METRNL: variants seen among roughly 807,000 people sequenced by gnomAD.
METRNL encodes meteorin-like protein.
METRNL carries 9 observed loss-of-function variants against 17.4 expected under a neutral mutation model. The ratio of observed to expected loss-of-function variants is 0.52; its 90% CI spans 0.31 to 0.90. The LOEUF (loss-of-function observed/expected upper bound fraction) is 0.90. Among genes scored for constraint, METRNL ranks in the 40% least tolerant of loss-of-function variants. The pLI, the probability that METRNL is intolerant of heterozygous loss-of-function variation, is 0.05. For missense variants in METRNL, 408 were observed against 430.7 expected, an observed-to-expected ratio of 0.95 and a Z score of 0.47; for synonymous variants, 215 against 199.3, an observed-to-expected ratio of 1.08 and a Z score of -0.66.
intron 1 of METRNL, chr17:83,084,662 G>A: frequency 3.8e-6 from 2 of 519,918 alleles, no homozygotes; most frequent in Non-Finnish European, 3.4e-6. Flanking sequence ...CTGGGGACAA[G>A]CACCGCCTGC....
chr17:83,085,391 C>G, intron 2 of METRNL, 68 bp downstream of exon 2: 1 of 1,490,896 alleles, frequency 6.7e-7, no homozygotes, highest in Non-Finnish European at 9.0e-7. Flanking sequence ...TGGCAGGTGT[C>G]TCTGATTTCT....
chr17:83,080,971 G>A (rs2037979415), intron 1 of METRNL, among the ~76,000 whole-genome samples: 2 of 151,576 alleles, frequency 1.3e-5, no homozygotes, highest in South Asian at 2.1e-4. Context: ...GGTGTCCGCG[G>A]GGCGGGCGCA....
intron 2 of METRNL, among the ~76,000 whole-genome samples, chr17:83,085,818 C>T (rs1011563053): frequency 6.6e-6 from 1 of 152,222 alleles, no homozygotes; most frequent in African/African-American, 2.4e-5. Flanking sequence ...TCAAACTGCC[C>T]TGGGAATTGG....
intron 1 of METRNL, among the ~76,000 whole-genome samples, chr17:83,081,250 C>T (rs977839175): frequency 2.6e-5 from 4 of 152,098 alleles, no homozygotes; most frequent in Non-Finnish European, 5.9e-5. Flanking sequence ...TGGGGCCGCC[C>T]CTGCCCCCGC....
chr17:83,080,601 CTTTT>C (rs563834169), intron 1 of METRNL, among the ~76,000 whole-genome samples: 2,587 of 52,070 alleles, frequency 0.05, 41 homozygotes, highest in Non-Finnish European at 0.067. Context: ...CGGCCGAGGA[CTTTT>C]TTTTTTTTTT....
intron 1 of METRNL, among the ~76,000 whole-genome samples, chr17:83,081,182 C>T (rs896987670): frequency 1.3e-5 from 2 of 151,010 alleles, no homozygotes; most frequent in East Asian, 1.9e-4. Context: ...GGATGGAGGT[C>T]TGGGGGGGGT....
At chr17:83,083,785 G>T (rs2038017031) in intron 1 of METRNL, among the ~76,000 whole-genome samples, 1 of 152,204 alleles carries the variant, frequency 6.6e-6, no homozygotes, top group Admixed American at 6.5e-5. Flanking sequence ...TGCAGAAAGG[G>T]TTTCTGGTGA....
In METRNL at chr17:83,094,887, T is replaced by C; in HGVS notation, c.*312T>C. The C allele has an allele frequency of 6.5e-6, 2 of 305,732 alleles. No individual in the cohort carries two copies. Among genetic ancestry groups the C allele is most frequent in the Non-Finnish European group, 6.0e-6 (1 of 167,302 alleles). 18.9% of individuals were successfully genotyped at this position (305,732 alleles called of 1,614,324 possible). ...AACGCCTTGGTGTGCCGTCTGATAC[T>C]GTTCTCTAAAGACGTTAGGAGTCAC... is the stretch of plus-strand genomic sequence containing the variant. On this transcript the variant is annotated 3_prime_UTR_variant, in exon 4 of 4. Transcript: ENST00000320095.
chr17:83,085,198 T>C lies in METRNL; in HGVS notation c.431T>C (p.Phe144Ser). ...GDGRPGRVQCFGLEQGGLFVE... is the reference protein window; with the variant it reads ...GDGRPGRVQCSGLEQGGLFVE... Reference sequence around the variant, plus strand: ...GGCAGGCCCGGCCGGGTGCAGTGTTTTGGCCTGGAGCAGGGCGGCCTGTTC... The same window carrying C: ...GGCAGGCCCGGCCGGGTGCAGTGTTCTGGCCTGGAGCAGGGCGGCCTGTTC... Residue 144 changes from phenylalanine (F) to serine (S), a missense_variant, in exon 2 of 4, where the codon TTT (phenylalanine) becomes TCT (serine). Physicochemically the swap from Phe to Ser is radical, Grantham distance 155. Transcript: ENST00000320095. The C allele has an allele frequency of 1.9e-6, 3 of 1,610,232 alleles. No individual in the cohort carries two copies. Among genetic ancestry groups the C allele is most frequent in the Non-Finnish European group, 2.5e-6 (3 of 1,178,116 alleles).
intron 2 of METRNL, among the ~76,000 whole-genome samples, chr17:83,086,785 G>A (rs1274361252): frequency 2.6e-5 from 4 of 152,208 alleles, no homozygotes; most frequent in Non-Finnish European, 4.4e-5. Flanking sequence ...ACACCTGGAC[G>A]TCCACACTGG....
At chr17:83,082,103 G>C (rs1013566836) in intron 1 of METRNL, 2 of 985,292 alleles carry the variant, frequency 2.0e-6, no homozygotes, top group Non-Finnish European at 2.4e-6. Context: ...CCTCCCTTCC[G>C]TGGGGGGAGG....
intron 2 of METRNL, among the ~76,000 whole-genome samples, chr17:83,091,216 G>A (rs1461663016): frequency 6.6e-6 from 1 of 151,892 alleles, no homozygotes; most frequent in Non-Finnish European, 1.5e-5. Context: ...CGGCCTCGAG[G>A]CGCCCCCAGT....
At chr17:83,088,561 C>T (rs888963513) in intron 2 of METRNL, among the ~76,000 whole-genome samples, 1 of 152,122 alleles carries the variant, frequency 6.6e-6, no homozygotes, top group African/African-American at 2.4e-5. Flanking sequence ...CCCCAGTGAG[C>T]AGGTGCCCAG....
intron 1 of METRNL, among the ~76,000 whole-genome samples, chr17:83,081,171 C>T (rs1014151915): frequency 6.6e-6 from 1 of 151,510 alleles, no homozygotes; most frequent in African/African-American, 2.4e-5. Flanking sequence ...GGGCCGCGGG[C>T]GGATGGAGGT....
In METRNL at chr17:83,085,210, AG is replaced by A. The variant is rs1436178283; in HGVS notation, c.446del (p.Gly149AlafsTer50). The A allele has an allele frequency of 6.2e-7, 1 of 1,604,186 alleles. No individual in the cohort carries two copies. Among genetic ancestry groups the A allele is most frequent in the Non-Finnish European group, 8.5e-7 (1 of 1,174,254 alleles). On this transcript the variant is annotated frameshift_variant, in exon 2 of 4. Coordinates refer to ENST00000320095, the MANE Select transcript of METRNL (RefSeq NM_001004431.3). LOFTEE classifies it high-confidence loss of function. Reference sequence around the variant, plus strand: ...CGGGTGCAGTGTTTTGGCCTGGAGCAGGGCGGCCTGTTCGTGGAGGCCACGC... The same window carrying A: ...CGGGTGCAGTGTTTTGGCCTGGAGCAGGCGGCCTGTTCGTGGAGGCCACGC... ...PGRVQCFGLEQGGLFVEATPQ... is the reference protein window; with the variant it reads ...PGRVQCFGLEXGGLFVEATPQ...
chr17:83,087,141 G>A (rs529466876), intron 2 of METRNL, among the ~76,000 whole-genome samples: 5 of 152,282 alleles, frequency 3.3e-5, no homozygotes, highest in African/African-American at 1.2e-4. Flanking sequence ...GGGGTCCTGC[G>A]CAGGTCTGTG....
intron 2 of METRNL, among the ~76,000 whole-genome samples, chr17:83,087,383 G>A (rs1046485646): frequency 6.6e-6 from 1 of 152,084 alleles, no homozygotes; most frequent in Admixed American, 6.5e-5. Flanking sequence ...GGGGGCCCCC[G>A]GAGCTGGGAC....
chr17:83,084,977 G>A lies in METRNL; in HGVS notation c.210G>A (p.Gln70=). The A allele has an allele frequency of 6.2e-7, 1 of 1,613,770 alleles. No individual in the cohort carries two copies. The highest frequency in any genetic ancestry group is 8.5e-7 in the Non-Finnish European group (1 of 1,179,956). ...AGGCACACAGGAAGGAGGTGGAGCA[G>A]GTGTATCTGCGCTGTGCGGCGGGTG... ...THEAHRKEVE[Q]VYLRCAAGAV... The change falls in exon 2 of 4, where the codon CAG becomes CAA. Residue 70 remains glutamine, a synonymous_variant. Transcript: ENST00000320095.
At chr17:83,085,568 G>A (rs1468624521) in intron 2 of METRNL, among the ~76,000 whole-genome samples, 1 of 152,178 alleles carries the variant, frequency 6.6e-6, no homozygotes, top group Non-Finnish European at 1.5e-5. Context: ...GGTGTGGGAT[G>A]TCTAAACTAA....
Sources: allele counts gnomAD v4.1 joint callset (sites outside exome capture counted in the v4.1 genomes callset), GRCh38; gene constraint gnomAD v4.1.1; transcripts MANE v1.5; gene names NCBI Gene and HGNC (gene_info 2026-07-23, HGNC 2026-07-21).